Variants in DOCK3 observed in about 807,000 individuals in gnomAD.
The protein encoded by DOCK3 is dedicator of cytokinesis 3, also known as dedicator of cytokinesis protein 3.
In DOCK3, 60 loss-of-function variants were observed where a neutral mutation model predicts 265.6. The ratio of observed to expected loss-of-function variants is 0.23; its 90% confidence interval spans 0.18 to 0.28. The LOEUF is 0.28. Ranked by LOEUF, DOCK3 falls within the 10% of genes least tolerant of loss-of-function variation. The probability of loss-of-function intolerance (pLI) is 1.00; values close to 1 mark genes in which losing one functional copy is unlikely to be tolerated. For missense variants in DOCK3, 1,981 were observed against 2,594.3 expected, an observed-to-expected ratio of 0.76 and a Z score of 5.14; for synonymous variants, 881 against 938.0, an observed-to-expected ratio of 0.94 and a Z score of 1.11.
At chr3:50,912,837 C>G (rs1005747047) in intron 4 of DOCK3, among the ~76,000 whole-genome samples, 2 of 152,024 alleles carry the variant, frequency 1.3e-5, no homozygotes, top group Admixed American at 6.5e-5. Flanking sequence ...TGGGACTCAC[C>G]CTTCAGGGCA....
intron 3 of DOCK3, among the ~76,000 whole-genome samples, chr3:50,883,520 A>G (rs192612777): frequency 0.011 from 1,634 of 151,786 alleles, 25 homozygotes; most frequent in South Asian, 0.038. Flanking sequence ...ACTTTTTTTT[A>G]GGGTATTTCT....
intron 2 of DOCK3, among the ~76,000 whole-genome samples, chr3:50,810,735 A>G (rs2609020): frequency 0.094 from 14,348 of 152,232 alleles, 838 homozygotes; most frequent in Non-Finnish European, 0.12. Context: ...TTTACAGTCC[A>G]TATTGATTCC....
At position 51,181,026 on chromosome 3, in the gene DOCK3, T is replaced by A. The variant is rs1017936938; in HGVS notation, c.1037+20324T>A. Among the ~76,000 whole-genome samples, 9 of 152,288 alleles carry A rather than the reference T, an allele frequency of 5.9e-5. No homozygotes were observed. The East Asian group carries it at 1.7e-3, about 29-fold the overall frequency. On this transcript the variant is annotated intron_variant, in intron 12 of 52. Coordinates refer to ENST00000266037, the MANE Select transcript of DOCK3 (RefSeq NM_004947.5). ...ACCTGGAAGGAGGAGAAAAAATAAATGTTTCTGCTAAATTGCTATAATTAC... is the reference window on the plus strand; with the variant it reads ...ACCTGGAAGGAGGAGAAAAAATAAAAGTTTCTGCTAAATTGCTATAATTAC...
intron 1 of DOCK3, among the ~76,000 whole-genome samples, chr3:50,739,269 G>A (rs888329228): frequency 5.9e-5 from 9 of 151,886 alleles, no homozygotes; most frequent in African/African-American, 1.5e-4. Flanking sequence ...AAGTTTTTTC[G>A]TTAGGTTGAA....
intron 9 of DOCK3, among the ~76,000 whole-genome samples, chr3:51,141,184 TTTTC>T (rs1459814445): frequency 6.2e-5 from 4 of 64,044 alleles, no homozygotes; most frequent in Non-Finnish European, 8.5e-5. Context: ...TATACCTATA[TTTTC>T]TTTCTTTTTT....
intron 9 of DOCK3, among the ~76,000 whole-genome samples, chr3:51,130,540 G>A (rs927324122): frequency 4.6e-5 from 7 of 152,184 alleles, no homozygotes; most frequent in Non-Finnish European, 8.8e-5. Context: ...TTAAGCTTAC[G>A]ATAATGCACT....
Position 51,023,454 on chromosome 3 carries a change from G to T in DOCK3, c.316-40994G>T, listed in dbSNP as rs540305207. On this transcript the variant is annotated intron_variant, in intron 5 of 52. Transcript: ENST00000266037. Reference sequence around the variant, plus strand: ...GTTTTTTGAGACAGAGTCTCGCTCTGTTGTGCCATGGAGTGCAGTGGTGTG... The same window carrying T: ...GTTTTTTGAGACAGAGTCTCGCTCTTTTGTGCCATGGAGTGCAGTGGTGTG... Among the ~76,000 whole-genome samples the T allele has an allele frequency of 4.6e-5, 7 of 152,198 alleles. No individual in the cohort carries two copies. In the East Asian group the frequency reaches 9.7e-4, roughly 21 times the overall value.
At chr3:50,696,052 C>T (rs116669161) in intron 1 of DOCK3, among the ~76,000 whole-genome samples, 2,492 of 152,310 alleles carry the variant, frequency 0.016, 84 homozygotes, top group African/African-American at 0.056. Context: ...GTCCTTAAGG[C>T]ATCAAGACCT....
chr3:51,091,682 CA>C (rs36008191), intron 9 of DOCK3, among the ~76,000 whole-genome samples: 44 of 102,164 alleles, frequency 4.3e-4, no homozygotes, highest in Admixed American at 1.4e-3. Flanking sequence ...GACTTGGTCT[CA>C]AAAAAAAAAA....
intron 5 of DOCK3, among the ~76,000 whole-genome samples, chr3:50,989,383 C>T (rs958018828): frequency 2.0e-5 from 3 of 152,140 alleles, no homozygotes; most frequent in Admixed American, 6.5e-5. Context: ...AGCTAGCAGT[C>T]AGGGGGGAGA....
intron 1 of DOCK3, among the ~76,000 whole-genome samples, chr3:50,774,040 A>G (rs964372137): frequency 6.6e-6 from 1 of 151,956 alleles, no homozygotes; most frequent in Non-Finnish European, 1.5e-5. Context: ...AAATATTCCC[A>G]GAGTATACAG....
chr3:51,352,810 G>C (rs2086092754), intron 40 of DOCK3, among the ~76,000 whole-genome samples: 1 of 152,198 alleles, frequency 6.6e-6, no homozygotes. Context: ...TCTGTCTTTT[G>C]TGGGGATGCT....
chr3:50,843,470 A>G (rs527438967), intron 3 of DOCK3, among the ~76,000 whole-genome samples: 16 of 152,284 alleles, frequency 1.1e-4, no homozygotes, highest in African/African-American at 3.6e-4. Context: ...GTTTTATTTT[A>G]GAGTTAAGGA....
chr3:50,909,969 C>A (rs751000861), intron 4 of DOCK3, among the ~76,000 whole-genome samples: 1 of 151,870 alleles, frequency 6.6e-6, no homozygotes, highest in Non-Finnish European at 1.5e-5. Flanking sequence ...TCAGAAAGAT[C>A]GTCTTCAAGC....
chr3:51,040,723 G>A (rs1040508980), intron 5 of DOCK3, among the ~76,000 whole-genome samples: 2 of 152,178 alleles, frequency 1.3e-5, no homozygotes, highest in South Asian at 2.1e-4. Flanking sequence ...TATCAATAAA[G>A]TTTATGTAAT....
intron 5 of DOCK3, among the ~76,000 whole-genome samples, chr3:50,951,712 G>A (rs967104503): frequency 1.3e-5 from 2 of 151,820 alleles, no homozygotes; most frequent in Non-Finnish European, 1.5e-5. Context: ...TTTTAGCAAT[G>A]GTGTTTTAGA....
intron 9 of DOCK3, among the ~76,000 whole-genome samples, chr3:51,129,989 G>A (rs4293735): frequency 0.91 from 138,823 of 152,282 alleles, 63,426 homozygotes; most frequent in African/African-American, 0.95. Context: ...AATCCAAGTA[G>A]GCCCACTAGG....
chr3:50,761,570 A>G (rs191740317), intron 1 of DOCK3, among the ~76,000 whole-genome samples: 309 of 152,306 alleles, frequency 2.0e-3, no homozygotes, highest in Admixed American at 4.4e-3. Context: ...AAGCCGTCAA[A>G]AGTGCTGGCC....
chr3:51,127,615 C>T (rs2084324934), intron 9 of DOCK3, among the ~76,000 whole-genome samples: 1 of 152,218 alleles, frequency 6.6e-6, no homozygotes, highest in African/African-American at 2.4e-5. Flanking sequence ...CAAGTGTATA[C>T]ATGCACAAGT....
Sources: gnomAD v4.1 joint callset for allele counts (sites outside exome capture counted in the v4.1 genomes callset) on GRCh38, gnomAD v4.1.1 for gene constraint, MANE v1.5 for transcripts, NCBI Gene and HGNC (gene_info 2026-07-23, HGNC 2026-07-21) for gene names.